GTSE1: variants seen among roughly 807,000 people sequenced by gnomAD.
The protein encoded by GTSE1 is G2 and S-phase expressed 1, also known as G2 and S phase-expressed protein 1.
GTSE1 carries 52 observed loss-of-function variants against 60.5 expected under a neutral mutation model. The ratio of observed to expected loss-of-function variants is 0.86; its 90% confidence interval spans 0.69 to 1.08. GTSE1 has a LOEUF of 1.08. Ranked by LOEUF, GTSE1 falls within the 50% of genes least tolerant of loss-of-function variation. GTSE1 has a pLI of 0.00. For synonymous variants in GTSE1, 368 were observed against 386.5 expected (o/e 0.95, Z 0.56); for missense variants, 937 against 961.8 (o/e 0.97, Z 0.34).
intron 8 of GTSE1, among the ~76,000 whole-genome samples, chr22:46,325,710 C>T (rs541087422): frequency 6.6e-6 from 1 of 152,366 alleles, no homozygotes; most frequent in South Asian, 2.1e-4. Context: ...ATGACCTGAT[C>T]TCCTCCTAAA....
At chr22:46,323,340 AC>A in intron 8 of GTSE1, 78 bp downstream of exon 8, 2 of 1,135,598 alleles carry the variant, frequency 1.8e-6, no homozygotes, top group Non-Finnish European at 2.7e-6. Context: ...CCATTTGGTA[AC>A]CCTGCAGCCT....
rs534171826 is a variant in GTSE1, at chr22:46,319,205, G to A, written c.1432+2793G>A. Among the ~76,000 whole-genome samples, 16 of 152,346 alleles carry A rather than the reference G, an allele frequency of 1.1e-4. No homozygotes were observed. Among genetic ancestry groups the A allele is most frequent in the South Asian group, 8.3e-4 (4 of 4,828 alleles). On this transcript the variant is annotated intron_variant, in intron 7 of 11. Transcript: ENST00000454366. The surrounding 1 kb of genome is among the most constrained non-coding windows in gnomAD (Gnocchi z 5.0). ...GCCCGAGGCCGGCTCCCAGAGCGCC[G>A]CGTGACCAGAGCGGACCCTGGAGTA...
At position 46,330,038 on chromosome 22, in the gene GTSE1, C is replaced by A; in HGVS notation, c.2137-9C>A. ...CCACGCTCACCTCCTCCACTCTGCTCTCTTCCAGCTCATAGACCTGAGCTC... is the reference window on the plus strand; with the variant it reads ...CCACGCTCACCTCCTCCACTCTGCTATCTTCCAGCTCATAGACCTGAGCTC... On this transcript the variant is annotated splice_polypyrimidine_tract_variant and intron_variant, in intron 11 of 11. Transcript: ENST00000454366. The surrounding 1 kb of genome is among the most constrained non-coding windows in gnomAD (Gnocchi z 6.0). The A allele has an allele frequency of 6.3e-7, 1 of 1,583,424 alleles. No individual in the cohort carries two copies. The highest frequency in any genetic ancestry group is 8.7e-7 in the Non-Finnish European group (1 of 1,151,960).
chr22:46,309,075 T>C lies in GTSE1; in HGVS notation c.762+132T>C. The C allele has an allele frequency of 9.5e-7, 1 of 1,047,652 alleles. No individual in the cohort carries two copies. Among genetic ancestry groups the C allele is most frequent in the Non-Finnish European group, 1.3e-6 (1 of 741,128 alleles). The allele number at this position is 1,047,652 out of a possible 1,614,324, so 64.9% of individuals were successfully genotyped here. ...GCCTACAAAACACAGGAATGCGGAG[T>C]CCAGGAAAAGCAGTTGCCAATAGGG... On this transcript the variant is annotated intron_variant, in intron 4 of 11. Transcript: ENST00000454366. The surrounding 1 kb of genome is among the most constrained non-coding windows in gnomAD (Gnocchi z 6.2).
chr22:46,327,908 G>A (rs2077853290), intron 9 of GTSE1, among the ~76,000 whole-genome samples: 1 of 152,150 alleles, frequency 6.6e-6, no homozygotes. Context: ...AAGAGAAAAT[G>A]AGAAACAAGG....
At chr22:46,299,665 C>T (rs2077678003) in intron 2 of GTSE1, among the ~76,000 whole-genome samples, 2 of 152,230 alleles carry the variant, frequency 1.3e-5, no homozygotes, top group African/African-American at 2.4e-5. Context: ...TTCTACTTCC[C>T]GTTGGCTAAT....
chr22:46,325,259 C>T (rs886501279), intron 8 of GTSE1, among the ~76,000 whole-genome samples: 18 of 152,158 alleles, frequency 1.2e-4, no homozygotes, highest in Admixed American at 9.8e-4. Flanking sequence ...TGCAGTGGCG[C>T]GATCTTGGCT....
intron 6 of GTSE1, among the ~76,000 whole-genome samples, chr22:46,315,364 TTG>T (rs1411012709): frequency 1.3e-5 from 2 of 152,288 alleles, no homozygotes; most frequent in East Asian, 3.9e-4. Context: ...GCCCACATTT[TTG>T]TGTTTTTTGT....
In GTSE1 at chr22:46,313,506, T is replaced by TTTG. The variant is rs887677067; in HGVS notation, c.928-365_928-363dup. Among the ~76,000 whole-genome samples, 33 of 152,216 alleles carry TTTG rather than the reference T, an allele frequency of 2.2e-4. 1 individual carries two copies. Among genetic ancestry groups the TTTG allele is most frequent in the Admixed American group, 5.9e-4 (9 of 15,284 alleles). ...TTTTAAAATAGTAAAAACACCAACTTTTGTTGTTGTTGTTGTTGTTGAGAC... is the reference window on the plus strand; with the variant it reads ...TTTTAAAATAGTAAAAACACCAACTTTTGTTGTTGTTGTTGTTGTTGTTGAGAC... On this transcript the variant is annotated intron_variant, in intron 5 of 11. Transcript: ENST00000454366. This position sits in a 1 kb window ranked among gnomAD's most constrained non-coding sequence, Gnocchi z 4.4.
chr22:46,323,816 T>C (rs1250257097), intron 8 of GTSE1, among the ~76,000 whole-genome samples: 1 of 152,130 alleles, frequency 6.6e-6, no homozygotes, highest in Non-Finnish European at 1.5e-5. Context: ...GCCTCCCTAG[T>C]AGCTGGGACT....
In GTSE1 at chr22:46,316,163, T is replaced by C; in HGVS notation, c.1183T>C (p.Trp395Arg). 1 of 1,612,750 alleles carries C rather than the reference T, an allele frequency of 6.2e-7. No homozygotes were observed. The change falls in exon 7 of 12, where the codon TGG becomes CGG. Residue 395 changes from tryptophan (W) to arginine (R), a missense_variant. Physicochemically the swap from Trp to Arg is moderately radical, Grantham distance 101. Coordinates refer to ENST00000454366, the MANE Select transcript of GTSE1 (RefSeq NM_016426.7). The surrounding 1 kb of genome is among the most constrained non-coding windows in gnomAD (Gnocchi z 5.0). ...TGCAGGCCCTGTGGGGGCATCCTCC[T>C]GGCAGGCCAAGCGGGTCGATGTTTC... ...LPAGPVGASSWQAKRVDVSEL... is the reference protein window; with the variant it reads ...LPAGPVGASSRQAKRVDVSEL...
Position 46,319,518 on chromosome 22 carries a change from C to T in GTSE1, c.1432+3106C>T, listed in dbSNP as rs2077800201. 6.6e-6 allele frequency among the ~76,000 whole-genome samples: 1 copy of T among 152,044 alleles called. No homozygotes were observed. Among genetic ancestry groups the T allele is most frequent in the South Asian group, 2.1e-4 (1 of 4,830 alleles). On this transcript the variant is annotated intron_variant, in intron 7 of 11. Coordinates refer to ENST00000454366, the MANE Select transcript of GTSE1 (RefSeq NM_016426.7). This position sits in a 1 kb window ranked among gnomAD's most constrained non-coding sequence, Gnocchi z 5.0. ...AACCTGGGTGCTGCCACTCATGTGA[C>T]AGGAGGGCTGGAAGAGGCAGCGGGC...
chr22:46,322,986 G>A (rs1197513740), intron 7 of GTSE1, among the ~76,000 whole-genome samples: 1 of 152,236 alleles, frequency 6.6e-6, no homozygotes, highest in Non-Finnish European at 1.5e-5. Flanking sequence ...GCCTGGGCAG[G>A]GGTCCCCGTG....
rs1601912781 is a variant in GTSE1 at position 46,319,463 on chromosome 22, G to C, written c.1432+3051G>C. On this transcript the variant is annotated intron_variant, in intron 7 of 11. Coordinates refer to ENST00000454366, the MANE Select transcript of GTSE1 (RefSeq NM_016426.7). The surrounding 1 kb of genome is among the most constrained non-coding windows in gnomAD (Gnocchi z 5.0). ...TAGGGCTCATGTGGCAGTGCAGAGAGGGACTCGAGTGTCCCTGAGGTTCTG... is the reference window on the plus strand; with the variant it reads ...TAGGGCTCATGTGGCAGTGCAGAGACGGACTCGAGTGTCCCTGAGGTTCTG... 6.6e-6 allele frequency among the ~76,000 whole-genome samples: 1 copy of C among 152,178 alleles called. No individual in the cohort carries two copies. The highest frequency in any genetic ancestry group is 1.5e-5 in the Non-Finnish European group (1 of 68,034).
intron 2 of GTSE1, among the ~76,000 whole-genome samples, chr22:46,306,461 G>C (rs1406207643): frequency 1.3e-5 from 2 of 149,656 alleles, no homozygotes; most frequent in African/African-American, 4.9e-5. Context: ...GATTACAGGC[G>C]TGAGCCATTG....
At chr22:46,312,600 C>T (rs2077755099) in intron 5 of GTSE1, among the ~76,000 whole-genome samples, 1 of 147,032 alleles carries the variant, frequency 6.8e-6, no homozygotes, top group Non-Finnish European at 1.5e-5. Context: ...AATCACGCCA[C>T]TGCACTCCAG....
Position 46,310,868 on chromosome 22 carries a change from T to C in GTSE1, c.763-1273T>C, listed in dbSNP as rs1282652489. On this transcript the variant is annotated intron_variant, in intron 4 of 11. Transcript: ENST00000454366. The surrounding 1 kb of genome is among the most constrained non-coding windows in gnomAD (Gnocchi z 4.4). ...TCGCCTGAACCCAGGAGGTGGAGGT[T>C]GCAGTGAGCCAAGATGGCACCACTG... 2.0e-5 allele frequency among the ~76,000 whole-genome samples: 3 copies of C among 152,110 alleles called. No individual in the cohort carries two copies. The highest frequency in any genetic ancestry group is 7.2e-5 in the African/African-American group (3 of 41,418).
At chr22:46,327,894 G>A (rs1040602028) in intron 9 of GTSE1, among the ~76,000 whole-genome samples, 2 of 152,160 alleles carry the variant, frequency 1.3e-5, no homozygotes, top group Admixed American at 1.3e-4. Flanking sequence ...GGCATGGAAT[G>A]CCAAAGAGAA....
At position 46,317,096 on chromosome 22, in the gene GTSE1, G is replaced by A. The variant is rs1347354104; in HGVS notation, c.1432+684G>A. ...CCTGCCTCAGCCTCCCGAGTAGCTGGGATTACAGGTGCCCACCACCACACC... is the reference window on the plus strand; with the variant it reads ...CCTGCCTCAGCCTCCCGAGTAGCTGAGATTACAGGTGCCCACCACCACACC... On this transcript the variant is annotated intron_variant, in intron 7 of 11. Coordinates refer to ENST00000454366, the MANE Select transcript of GTSE1 (RefSeq NM_016426.7). This position sits in a 1 kb window ranked among gnomAD's most constrained non-coding sequence, Gnocchi z 5.6. Among the ~76,000 whole-genome samples the A allele has an allele frequency of 2.0e-5, 3 of 152,072 alleles. No individual in the cohort carries two copies. The highest frequency in any genetic ancestry group is 2.0e-4 in the Admixed American group (3 of 15,262).
Sources: allele counts gnomAD v4.1 joint callset (sites outside exome capture counted in the v4.1 genomes callset), GRCh38; gene constraint gnomAD v4.1.1; non-coding constraint Gnocchi (gnomAD v3.1); transcripts MANE v1.5; gene names NCBI Gene and HGNC (gene_info 2026-07-23, HGNC 2026-07-21).